Variants in BMF observed in about 807,000 individuals in gnomAD.
The protein encoded by BMF is bcl-2-modifying factor.
In BMF, 10 loss-of-function variants were observed where a neutral mutation model predicts 22.0. The observed-to-expected ratio is 0.45, with a 90% confidence interval of 0.28 to 0.77. The LOEUF (loss-of-function observed/expected upper bound fraction) is 0.77. Among genes scored for constraint, BMF ranks in the 30% least tolerant of loss-of-function variants. The probability of loss-of-function intolerance (pLI) is 0.13; values close to 1 mark genes in which losing one functional copy is unlikely to be tolerated. For missense variants in BMF, 206 were observed against 226.8 expected, an observed-to-expected ratio of 0.91 and a Z score of 0.59; for synonymous variants, 87 against 88.1, an observed-to-expected ratio of 0.99 and a Z score of 0.07.
rs1399493587 is a variant in BMF at position 40,090,035 on chromosome 15, TCTC to T, written c.*1749_*1751del. On this transcript the variant is annotated 3_prime_UTR_variant, in exon 5 of 5. Transcript: ENST00000354670. ...GCTTACATGCACAGTTTGAGGCCCT[TCTC>T]CTCCAGGGTGCTGTGAGCCCATATG... The T allele has an allele frequency of 9.8e-5, 15 of 152,584 alleles. No homozygotes were observed. Among genetic ancestry groups the T allele is most frequent in the Admixed American group, 7.9e-4 (12 of 15,286 alleles). The allele number at this position is 152,584 out of a possible 1,614,324, so 9.5% of individuals were successfully genotyped here. A position where few individuals can be genotyped will look rare whatever the true frequency, so the allele number is the denominator to read the frequency against.
Position 40,106,139 on chromosome 15 carries a change from A to G in BMF, c.-5-48T>C. 1 of 1,526,180 alleles carries G rather than the reference A, an allele frequency of 6.6e-7. No individual in the cohort carries two copies. Among genetic ancestry groups the G allele is most frequent in the Non-Finnish European group, 8.8e-7 (1 of 1,139,004 alleles). 94.5% of individuals were successfully genotyped at this position (1,526,180 alleles called of 1,614,324 possible). ...TCTGGGCTGCTGCCCCACCAGGGCC[A>G]TACCTGGAAGGACTCCCCTTCCCTT... is the stretch of plus-strand genomic sequence containing the variant. On this transcript the variant is annotated intron_variant, in intron 2 of 4. Transcript: ENST00000354670. This position sits in a 1 kb window ranked among gnomAD's most constrained non-coding sequence, Gnocchi z 4.1.
intron 4 of BMF, among the ~76,000 whole-genome samples, chr15:40,098,543 T>C (rs1457625368): frequency 6.6e-6 from 1 of 152,168 alleles, no homozygotes; most frequent in African/African-American, 2.4e-5. Flanking sequence ...ACTTGGGGTC[T>C]TTTCAGCTGA....
intron 3 of BMF, 98 bp downstream of exon 3, chr15:40,105,697 T>G (rs2036572478): frequency 7.2e-7 from 1 of 1,385,960 alleles, no homozygotes; most frequent in Non-Finnish European, 9.8e-7. Context: ...GCTGATCACT[T>G]TGGGGGAAGG....
In BMF at chr15:40,091,640, T is replaced by A; in HGVS notation, c.*147A>T. The A allele has an allele frequency of 4.7e-6, 3 of 642,452 alleles. No individual in the cohort carries two copies. Among genetic ancestry groups the A allele is most frequent in the Non-Finnish European group, 5.5e-6 (2 of 366,948 alleles). 39.8% of individuals were successfully genotyped at this position (642,452 alleles called of 1,614,324 possible). ...GAAGGTCCCGCTTGAGTATGTTGTA[T>A]GTACACTCAGAGAGAAATTAAAAAA... is the stretch of plus-strand genomic sequence containing the variant. On this transcript the variant is annotated 3_prime_UTR_variant, in exon 5 of 5. Coordinates refer to ENST00000354670, the MANE Select transcript of BMF (RefSeq NM_001003940.2).
chr15:40,107,133 C>T (rs941417323), intron 2 of BMF, among the ~76,000 whole-genome samples: 1 of 152,160 alleles, frequency 6.6e-6, no homozygotes, highest in Non-Finnish European at 1.5e-5. Flanking sequence ...CTTAAGCTTC[C>T]AACCCAGCTC....
At chr15:40,097,198 AC>A (rs2036381457) in intron 4 of BMF, among the ~76,000 whole-genome samples, 1 of 150,790 alleles carries the variant, frequency 6.6e-6, no homozygotes, top group Non-Finnish European at 1.5e-5. Flanking sequence ...CAAGCACCCA[AC>A]TGAGCTACCA....
intron 4 of BMF, among the ~76,000 whole-genome samples, chr15:40,095,119 C>T (rs2036329167): frequency 6.6e-6 from 1 of 152,170 alleles, no homozygotes; most frequent in Non-Finnish European, 1.5e-5. Flanking sequence ...GGGAACCACC[C>T]ATGGGCCCAT....
At chr15:40,100,382 G>A (rs894567386) in intron 4 of BMF, among the ~76,000 whole-genome samples, 1 of 152,212 alleles carries the variant, frequency 6.6e-6, no homozygotes, top group Non-Finnish European at 1.5e-5. Context: ...CCACCCTCAA[G>A]ATAAGTCATT....
chr15:40,105,155 C>G (rs1435261481), intron 3 of BMF, among the ~76,000 whole-genome samples: 1 of 152,248 alleles, frequency 6.6e-6, no homozygotes, highest in Non-Finnish European at 1.5e-5. Flanking sequence ...AGCCTTTACC[C>G]TCCCTCCATA....
At chr15:40,092,860 G>C (rs908718054) in intron 4 of BMF, among the ~76,000 whole-genome samples, 2 of 152,034 alleles carry the variant, frequency 1.3e-5, no homozygotes, top group Non-Finnish European at 2.9e-5. Flanking sequence ...AGGAGGACTG[G>C]GCGGGGGCCT....
At chr15:40,104,638 C>T in intron 3 of BMF, among the ~76,000 whole-genome samples, 1 of 152,208 alleles carries the variant, frequency 6.6e-6, no homozygotes, top group Admixed American at 6.5e-5. Flanking sequence ...GCCTTCCGTC[C>T]TTATTTATCA....
chr15:40,091,736 C>T lies in BMF; in HGVS notation c.*51G>A. 1 of 1,340,870 alleles carries T rather than the reference C, an allele frequency of 7.5e-7. No individual in the cohort carries two copies. The highest frequency in any genetic ancestry group is 1.5e-5 in the African/African-American group (1 of 68,514). 83.1% of individuals were successfully genotyped at this position (1,340,870 alleles called of 1,614,324 possible). Reference sequence around the variant, plus strand: ...AGTGTCAGTCCTGCCCGATGTCCTTCCTGTTCCAGACGGTGTTCCTGGTGC... The same window carrying T: ...AGTGTCAGTCCTGCCCGATGTCCTTTCTGTTCCAGACGGTGTTCCTGGTGC... On this transcript the variant is annotated 3_prime_UTR_variant, in exon 5 of 5. Coordinates refer to ENST00000354670, the MANE Select transcript of BMF (RefSeq NM_001003940.2).
Position 40,091,747 on chromosome 15 carries a change from C to A in BMF, c.*40G>T, listed in dbSNP as rs377596951. The A allele has an allele frequency of 3.5e-6, 5 of 1,427,510 alleles. No individual in the cohort carries two copies. Among genetic ancestry groups the A allele is most frequent in the Non-Finnish European group, 4.9e-6 (5 of 1,025,814 alleles). The allele number at this position is 1,427,510 out of a possible 1,614,324, so 88.4% of individuals were successfully genotyped here. A position where few individuals can be genotyped will look rare whatever the true frequency, so the allele number is the denominator to read the frequency against. The stretch of plus-strand genomic sequence containing the variant: ...TGCCCGATGTCCTTCCTGTTCCAGA[C>A]GGTGTTCCTGGTGCCCCATGTGAAG... On this transcript the variant is annotated 3_prime_UTR_variant, in exon 5 of 5. Coordinates refer to ENST00000354670, the MANE Select transcript of BMF (RefSeq NM_001003940.2).
At chr15:40,104,925 C>T (rs897471356) in intron 3 of BMF, among the ~76,000 whole-genome samples, 3 of 152,186 alleles carry the variant, frequency 2.0e-5, no homozygotes, top group Non-Finnish European at 2.9e-5. Flanking sequence ...TCTAGACCAG[C>T]GCTCCACACT....
rs998791605 is a variant in BMF, at chr15:40,090,232, A to G, written c.*1555T>C. Reference sequence around the variant, plus strand: ...GCACAACTGTACATCCAGAAGATCAATGTCTCCTTCAATAGTACTGAAGAC... The same window carrying G: ...GCACAACTGTACATCCAGAAGATCAGTGTCTCCTTCAATAGTACTGAAGAC... On this transcript the variant is annotated 3_prime_UTR_variant, in exon 5 of 5. Coordinates refer to ENST00000354670, the MANE Select transcript of BMF (RefSeq NM_001003940.2). 2.0e-5 allele frequency: 3 copies of G among 152,624 alleles called. No homozygotes were observed. The highest frequency in any genetic ancestry group is 7.2e-5 in the African/African-American group (3 of 41,438). The allele number at this position is 152,624 out of a possible 1,614,324, so 9.5% of individuals were successfully genotyped here.
intron 4 of BMF, 57 bp from the exon 5 acceptor site, chr15:40,091,945 C>T: frequency 2.3e-6 from 3 of 1,289,466 alleles, no homozygotes; most frequent in Non-Finnish European, 3.3e-6. Context: ...TCTTAGACGA[C>T]TCCCTCTCAT....
In BMF at chr15:40,105,950, C is replaced by T. The variant is rs933674789; in HGVS notation, c.137G>A (p.Arg46Gln). ...AQSLLDCPLS[R>Q]LQLFPLTHCC... is the part of the protein sequence containing the mutation. ...GTGGGTGAGAGGGAAGAGCTGAAGT[C>T]GGCTGAGGGGGCAGTCCAGTAGGCT... Residue 46 changes from arginine to glutamine, a missense_variant, in exon 3 of 5, where the codon CGA becomes CAA. By Grantham distance (43) the Arg-to-Gln change is conservative (BLOSUM62 1). Transcript: ENST00000354670. 23 of 1,613,964 alleles carry T rather than the reference C, an allele frequency of 1.4e-5. No individual in the cohort carries two copies. The highest frequency in any genetic ancestry group is 1.6e-4 in the Middle Eastern group (1 of 6,084).
intron 4 of BMF, among the ~76,000 whole-genome samples, chr15:40,094,235 A>G (rs942332956): frequency 1.3e-5 from 2 of 152,226 alleles, no homozygotes; most frequent in Non-Finnish European, 2.9e-5. Context: ...GGGCAACTTG[A>G]GATCTCTGAA....
At chr15:40,101,127 T>C (rs1051161469) in intron 4 of BMF, among the ~76,000 whole-genome samples, 1 of 152,202 alleles carries the variant, frequency 6.6e-6, no homozygotes, top group African/African-American at 2.4e-5. Flanking sequence ...GTCTGGACAC[T>C]AATTCCTCTG....
Sources: allele counts gnomAD v4.1 joint callset (sites outside exome capture counted in the v4.1 genomes callset), GRCh38; gene constraint gnomAD v4.1.1; non-coding constraint Gnocchi (gnomAD v3.1); transcripts MANE v1.5; gene names NCBI Gene and HGNC (gene_info 2026-07-23, HGNC 2026-07-21).